The following GNG2 variants were observed in gnomAD, a reference collection of about 807,000 sequenced individuals.
GNG2 encodes G protein subunit gamma 2.
A neutral mutation model predicts 5.5 loss-of-function variants in GNG2; 5 were observed. The observed-to-expected ratio is 0.91, with a 90% CI of 0.48 to 1.92. GNG2 has a LOEUF of 1.92. GNG2 is among the 30% of genes most tolerant of loss of function. The pLI, the probability that GNG2 is intolerant of heterozygous loss-of-function variation, is 0.01. For missense variants in GNG2, 55 were observed against 88.4 expected (o/e 0.62, Z 1.52); for synonymous variants, 28 against 32.0 (o/e 0.88, Z 0.42).
At chr14:51,897,205 C>A (rs915827449) in intron 2 of GNG2, among the ~76,000 whole-genome samples, 2 of 152,192 alleles carry the variant, frequency 1.3e-5, no homozygotes. Context: ...TTGTATACTG[C>A]CTGCTTTGTT....
At chr14:51,952,894 G>A (rs932049274) in intron 3 of GNG2, among the ~76,000 whole-genome samples, 11 of 152,048 alleles carry the variant, frequency 7.2e-5, no homozygotes, top group South Asian at 2.1e-4. Flanking sequence ...TTGAAAATCA[G>A]CTCATGATTC....
intron 2 of GNG2, among the ~76,000 whole-genome samples, chr14:51,921,761 C>T (rs1203855545): frequency 6.6e-6 from 1 of 151,578 alleles, no homozygotes; most frequent in Non-Finnish European, 1.5e-5. Context: ...GGTTTTTGCT[C>T]TACTTAAGCA....
At chr14:51,870,960 G>T (rs1566655349) in intron 1 of GNG2, among the ~76,000 whole-genome samples, 1 of 152,114 alleles carries the variant, frequency 6.6e-6, no homozygotes, top group Non-Finnish European at 1.5e-5. Flanking sequence ...ATGATGGAGT[G>T]CTTCCTACTC....
chr14:51,913,943 A>G (rs1197448226), intron 2 of GNG2, among the ~76,000 whole-genome samples: 3 of 152,210 alleles, frequency 2.0e-5, no homozygotes, highest in African/African-American at 7.2e-5. Flanking sequence ...TACCTTTTTC[A>G]TACATATGTT....
chr14:51,926,692 T>A (rs1887346921), intron 2 of GNG2, among the ~76,000 whole-genome samples: 1 of 152,164 alleles, frequency 6.6e-6, no homozygotes. Context: ...TTTTCCGGTG[T>A]GGAACCTGGG....
At chr14:51,874,533 C>A (rs959503863) in intron 1 of GNG2, among the ~76,000 whole-genome samples, 1 of 151,428 alleles carries the variant, frequency 6.6e-6, no homozygotes, top group Non-Finnish European at 1.5e-5. Flanking sequence ...GAGTTTGAGA[C>A]CAGCTTGGGC....
intron 2 of GNG2, among the ~76,000 whole-genome samples, chr14:51,851,802 C>G (rs961822909): frequency 1.3e-5 from 2 of 152,140 alleles, no homozygotes; most frequent in Non-Finnish European, 2.9e-5. Flanking sequence ...GGGGCATGAA[C>G]AACTTTCTTC....
intron 1 of GNG2, among the ~76,000 whole-genome samples, chr14:51,868,319 G>C (rs1283954591): frequency 6.6e-6 from 1 of 152,104 alleles, no homozygotes; most frequent in African/African-American, 2.4e-5. Context: ...ATCACTGAGA[G>C]GGTAGTTTGA....
At chr14:51,933,401 G>A (rs531254623) in intron 2 of GNG2, among the ~76,000 whole-genome samples, 2 of 152,296 alleles carry the variant, frequency 1.3e-5, no homozygotes, top group South Asian at 4.1e-4. Flanking sequence ...ACACAGCAAC[G>A]ATAGGCAACT....
At chr14:51,943,623 G>A (rs1888472169) in intron 2 of GNG2, among the ~76,000 whole-genome samples, 1 of 152,226 alleles carries the variant, frequency 6.6e-6, no homozygotes, top group South Asian at 2.1e-4. Context: ...TTCTTCTCCA[G>A]TAAGAATCAG....
chr14:51,836,659 G>A (rs1008978195), intron 2 of GNG2, among the ~76,000 whole-genome samples: 4 of 151,424 alleles, frequency 2.6e-5, no homozygotes, highest in African/African-American at 9.7e-5. Flanking sequence ...TAAGTCTAAT[G>A]TACTTCTCCT....
At chr14:51,882,817 G>C (rs1196189163) in intron 2 of GNG2, among the ~76,000 whole-genome samples, 1 of 151,962 alleles carries the variant, frequency 6.6e-6, no homozygotes, top group East Asian at 1.9e-4. Context: ...GGACCATCCT[G>C]GCTAACACGG....
At chr14:51,827,908 G>T (rs899664210) in intron 2 of GNG2, 16 of 602,196 alleles carry the variant, frequency 2.7e-5, no homozygotes, top group Middle Eastern at 2.6e-4. Flanking sequence ...AGCTTGGAGA[G>T]AGAGTCTGAG....
chr14:51,911,305 G>A (rs922780441), intron 2 of GNG2, among the ~76,000 whole-genome samples: 2 of 152,160 alleles, frequency 1.3e-5, no homozygotes, highest in Non-Finnish European at 2.9e-5. Context: ...CTGTTACGGG[G>A]TAGGGAAGGG....
At chr14:51,924,938 A>C (rs898794948) in intron 2 of GNG2, among the ~76,000 whole-genome samples, 5 of 152,236 alleles carry the variant, frequency 3.3e-5, no homozygotes, top group Admixed American at 2.0e-4. Context: ...CTGGACATGA[A>C]CCATCTTCTT....
At position 51,905,127 on chromosome 14, in the gene GNG2, C is replaced by A. The variant is rs141321594; in HGVS notation, c.-30+27470C>A. On this transcript the variant is annotated intron_variant, in intron 2 of 3. Transcript: ENST00000556766. ...TCTGCAACTTCTGACTTGGTTGGCT[C>A]GCTGCATCCATGCTCCTGAATCACC... Among the ~76,000 whole-genome samples, 19 of 152,206 alleles carry A rather than the reference C, an allele frequency of 1.2e-4. No individual in the cohort carries two copies. In the East Asian group the frequency reaches 2.9e-3, roughly 23 times the overall value.
intron 3 of GNG2, among the ~76,000 whole-genome samples, chr14:51,951,121 T>C (rs1888952451): frequency 6.6e-6 from 1 of 152,252 alleles, no homozygotes; most frequent in South Asian, 2.1e-4. Flanking sequence ...TAATTTTTTC[T>C]GTCCTGGTTC....
intron 2 of GNG2, among the ~76,000 whole-genome samples, chr14:51,900,398 C>T (rs528461097): frequency 6.6e-6 from 1 of 152,078 alleles, no homozygotes; most frequent in African/African-American, 2.4e-5. Flanking sequence ...TTCAGGAATA[C>T]ACGAGACTGA....
chr14:51,850,864 C>G (rs1029091263), intron 2 of GNG2, among the ~76,000 whole-genome samples: 2 of 152,156 alleles, frequency 1.3e-5, no homozygotes, highest in African/African-American at 2.4e-5. Context: ...TGAGAGCTCA[C>G]TTATCACTAA....
Sources: gnomAD v4.1 joint callset for allele counts (sites outside exome capture counted in the v4.1 genomes callset) on GRCh38, gnomAD v4.1.1 for gene constraint, MANE v1.5 for transcripts, NCBI Gene and HGNC (gene_info 2026-07-23, HGNC 2026-07-21) for gene names.